The following CACNA2D3 variants were observed in gnomAD, a reference collection of about 807,000 sequenced individuals.
CACNA2D3 encodes calcium voltage-gated channel auxiliary subunit alpha2delta 3.
Under a neutral mutation model 160.6 loss-of-function variants are expected in CACNA2D3, and 60 were observed. The ratio of observed to expected loss-of-function variants is 0.37; its 90% CI spans 0.30 to 0.46. CACNA2D3 has a LOEUF of 0.46. Among genes scored for constraint, CACNA2D3 ranks in the 20% least tolerant of loss-of-function variants. The pLI, the probability that CACNA2D3 is intolerant of heterozygous loss-of-function variation, is 1.00. For missense variants in CACNA2D3, 1,205 were observed against 1,365.0 expected (o/e 0.88, Z 1.85); for synonymous variants, 558 against 492.9 (o/e 1.13, Z -1.75).
intron 28 of CACNA2D3, 58 bp from the exon 29 acceptor site, chr3:54,969,742 G>C: frequency 6.9e-7 from 1 of 1,451,252 alleles, no homozygotes; most frequent in African/African-American, 1.4e-5. Flanking sequence ...GCCACAGCAG[G>C]CACTGGGATG....
chr3:54,979,626 A>G (rs1487468199), intron 29 of CACNA2D3, among the ~76,000 whole-genome samples: 1 of 152,200 alleles, frequency 6.6e-6, no homozygotes, highest in Non-Finnish European at 1.5e-5. Context: ...GAAAAATATT[A>G]CTTCAGTTTT....
chr3:54,935,570 C>T (rs1027174179), intron 27 of CACNA2D3, among the ~76,000 whole-genome samples: 5 of 152,058 alleles, frequency 3.3e-5, no homozygotes, highest in African/African-American at 1.2e-4. Flanking sequence ...TTGTCTGTGC[C>T]CCAGGAATAT....
chr3:54,693,512 G>A lies in CACNA2D3; in HGVS notation c.1167+51271G>A, dbSNP rs1700604816. Among the ~76,000 whole-genome samples, 4 of 152,148 alleles carry A rather than the reference G, an allele frequency of 2.6e-5. No individual in the cohort carries two copies. The South Asian group carries it at 8.3e-4, about 32-fold the overall frequency. On this transcript the variant is annotated intron_variant, in intron 11 of 37. Transcript: ENST00000474759. ...TAACTATGTTACTGGTTTATGTACT[G>A]TACTATACTTTTATCATTATTTTAG... is the stretch of plus-strand genomic sequence containing the variant.
At chr3:54,940,837 T>C (rs528160950) in intron 27 of CACNA2D3, among the ~76,000 whole-genome samples, 2 of 152,328 alleles carry the variant, frequency 1.3e-5, no homozygotes, top group South Asian at 2.1e-4. Flanking sequence ...AAAGGGCATA[T>C]GTTTATGGAC....
chr3:54,312,549 A>T (rs74794414), intron 2 of CACNA2D3, among the ~76,000 whole-genome samples: 2,268 of 152,278 alleles, frequency 0.015, 59 homozygotes, highest in African/African-American at 0.05. Context: ...AAAAAAACCA[A>T]CCCAAACGTA....
In CACNA2D3 at chr3:54,391,839, G is replaced by A. The variant is rs75773882; in HGVS notation, c.381+5065G>A. 3.7e-4 allele frequency among the ~76,000 whole-genome samples: 57 copies of A among 152,226 alleles called. No homozygotes were observed. The East Asian group carries it at 9.3e-3, about 25-fold the overall frequency. On this transcript the variant is annotated intron_variant, in intron 4 of 37. Coordinates refer to ENST00000474759, the MANE Select transcript of CACNA2D3 (RefSeq NM_018398.3). ...CAGGGTAACTTTCTTGTGGACACTG[G>A]TGTCAGTTCAGCCCTCTGGCTTGTC...
At chr3:54,987,588 A>G (rs1702643518) in intron 30 of CACNA2D3, 95 bp from the exon 31 acceptor site, 1 of 747,042 alleles carries the variant, frequency 1.3e-6, no homozygotes, top group Non-Finnish European at 2.2e-6. Flanking sequence ...TGCTCCTGTC[A>G]GTTCCAGGAC....
rs547359168 is a variant in CACNA2D3, at chr3:54,649,322, G to A, written c.1167+7081G>A. ...TAGACTTGACTGCCCCTTGAACCTG[G>A]TTTTGGTGGTGACATGGACACAGGA... is the stretch of plus-strand genomic sequence containing the variant. On this transcript the variant is annotated intron_variant, in intron 11 of 37. Transcript: ENST00000474759. Among the ~76,000 whole-genome samples, 4 of 152,272 alleles carry A rather than the reference G, an allele frequency of 2.6e-5. No homozygotes were observed. In the South Asian group the frequency reaches 8.3e-4, roughly 32 times the overall value.
intron 35 of CACNA2D3, among the ~76,000 whole-genome samples, chr3:55,050,376 T>C (rs1199670862): frequency 6.6e-6 from 1 of 152,008 alleles, no homozygotes; most frequent in Non-Finnish European, 1.5e-5. Flanking sequence ...TTAGTTTGGC[T>C]GGATATGAAA....
chr3:54,235,148 T>A (rs972999903), intron 2 of CACNA2D3, among the ~76,000 whole-genome samples: 6 of 152,174 alleles, frequency 3.9e-5, no homozygotes, highest in African/African-American at 1.4e-4. Context: ...GCATTCATAG[T>A]GTCCTAAAGT....
intron 2 of CACNA2D3, among the ~76,000 whole-genome samples, chr3:54,127,771 AAC>A (rs1166486236): frequency 6.6e-6 from 1 of 152,230 alleles, no homozygotes; most frequent in Non-Finnish European, 1.5e-5. Flanking sequence ...TGGTCTCATT[AAC>A]ACAATCACCC....
chr3:54,970,309 G>C (rs2107071529), intron 29 of CACNA2D3, among the ~76,000 whole-genome samples: 1 of 152,090 alleles, frequency 6.6e-6, no homozygotes, highest in East Asian at 1.9e-4. Flanking sequence ...AAAAAACCTA[G>C]GAGTTAAAAA....
At chr3:54,833,049 A>G (rs1703912729) in intron 14 of CACNA2D3, among the ~76,000 whole-genome samples, 1 of 152,204 alleles carries the variant, frequency 6.6e-6, no homozygotes, top group Non-Finnish European at 1.5e-5. Context: ...ATGAGTTCAA[A>G]TGCATATTCA....
At chr3:54,157,760 C>T (rs377521325) in intron 2 of CACNA2D3, among the ~76,000 whole-genome samples, 5 of 150,150 alleles carry the variant, frequency 3.3e-5, no homozygotes, top group African/African-American at 1.2e-4. Flanking sequence ...CATTGCACTC[C>T]AGCCTGGGCA....
intron 3 of CACNA2D3, among the ~76,000 whole-genome samples, chr3:54,333,303 A>G (rs1424013065): frequency 6.6e-6 from 1 of 152,080 alleles, no homozygotes; most frequent in African/African-American, 2.4e-5. Context: ...GGTGCTAGGC[A>G]TTCACTGGAA....
chr3:54,969,922 C>A, intron 29 of CACNA2D3, 78 bp downstream of exon 29: 1 of 1,287,312 alleles, frequency 7.8e-7, no homozygotes, highest in Non-Finnish European at 1.1e-6. Flanking sequence ...GAGGGAATGC[C>A]CTTATAAACA....
chr3:54,926,768 G>A (rs763718301), intron 27 of CACNA2D3, among the ~76,000 whole-genome samples: 1 of 152,076 alleles, frequency 6.6e-6, no homozygotes, highest in African/African-American at 2.4e-5. Context: ...GTAGTTGAAC[G>A]GTTGCAGTTT....
intron 24 of CACNA2D3, among the ~76,000 whole-genome samples, chr3:54,888,903 C>T (rs1334247984): frequency 6.6e-6 from 1 of 152,126 alleles, no homozygotes; most frequent in East Asian, 1.9e-4. Context: ...CAGATAGAGC[C>T]CTTAACATCA....
rs75458964 is a variant in CACNA2D3 at position 54,410,501 on chromosome 3, C to T, written c.381+23727C>T. On this transcript the variant is annotated intron_variant, in intron 4 of 37. Coordinates refer to ENST00000474759, the MANE Select transcript of CACNA2D3 (RefSeq NM_018398.3). ...ACTTACCATTCCAAGAACCCTAGGG[C>T]CCTTAAGAGTTATGCTAAATCTACC... Among the ~76,000 whole-genome samples, 97 of 152,260 alleles carry T rather than the reference C, an allele frequency of 6.4e-4. 2 individuals carry two copies. The East Asian group carries it at 0.016, about 25-fold the overall frequency.
Sources: allele counts gnomAD v4.1 joint callset (sites outside exome capture counted in the v4.1 genomes callset), GRCh38; gene constraint gnomAD v4.1.1; transcripts MANE v1.5; gene names NCBI Gene and HGNC (gene_info 2026-07-23, HGNC 2026-07-21).